VPS13B: variants seen among roughly 807,000 people sequenced by gnomAD.
The protein encoded by VPS13B is intermembrane lipid transfer protein VPS13B.
In VPS13B, 285 loss-of-function variants were observed where a neutral mutation model predicts 426.4. The observed-to-expected ratio is 0.67, with a 90% CI of 0.61 to 0.74. The LOEUF (loss-of-function observed/expected upper bound fraction) is 0.74, where lower values mean the gene tolerates loss of function less well. Among genes scored for constraint, VPS13B ranks in the 30% least tolerant of loss-of-function variants. The pLI is 0.00. For synonymous variants in VPS13B, 1,676 were observed against 1,676.4 expected, an observed-to-expected ratio of 1.00 and a Z score of 0.01; for missense variants, 4,537 against 4,782.6, an observed-to-expected ratio of 0.95 and a Z score of 1.51.
At chr8:99,532,441 C>A (rs1822981623) in intron 30 of VPS13B, among the ~76,000 whole-genome samples, 1 of 152,092 alleles carries the variant, frequency 6.6e-6, no homozygotes, top group African/African-American at 2.4e-5. Flanking sequence ...GAAAGGTGTA[C>A]CCTGTTCTGT....
intron 27 of VPS13B, among the ~76,000 whole-genome samples, chr8:99,504,104 C>T (rs1228651705): frequency 6.6e-6 from 1 of 152,136 alleles, no homozygotes; most frequent in South Asian, 2.1e-4. Context: ...TGGTGCCTCC[C>T]CATGGTGACA....
At chr8:99,487,814 A>G (rs181635740) in intron 25 of VPS13B, among the ~76,000 whole-genome samples, 62 of 152,226 alleles carry the variant, frequency 4.1e-4, no homozygotes, top group African/African-American at 1.2e-3. Flanking sequence ...ATTTCATTGT[A>G]TGTATATAAC....
At chr8:99,397,050 C>A (rs1814762748) in intron 21 of VPS13B, among the ~76,000 whole-genome samples, 1 of 152,100 alleles carries the variant, frequency 6.6e-6, no homozygotes, top group African/African-American at 2.4e-5. Flanking sequence ...GTTTATATTA[C>A]AGATAATAAA....
At chr8:99,869,518 G>A (rs909754879) in intron 59 of VPS13B, among the ~76,000 whole-genome samples, 2 of 152,100 alleles carry the variant, frequency 1.3e-5, no homozygotes, top group African/African-American at 4.8e-5. Flanking sequence ...CTCCTCGCCC[G>A]CCTCATTTCC....
intron 33 of VPS13B, among the ~76,000 whole-genome samples, chr8:99,603,433 A>G (rs1827417916): frequency 6.6e-6 from 1 of 152,248 alleles, no homozygotes; most frequent in Non-Finnish European, 1.5e-5. Flanking sequence ...ATAATAACTA[A>G]TAAGATAGAA....
intron 35 of VPS13B, among the ~76,000 whole-genome samples, chr8:99,669,878 A>G (rs1383693581): frequency 1.3e-5 from 2 of 152,112 alleles, no homozygotes; most frequent in Non-Finnish European, 1.5e-5. Flanking sequence ...ATAGGTTACA[A>G]TGATTTTCAT....
intron 17 of VPS13B, among the ~76,000 whole-genome samples, chr8:99,200,209 C>G (rs1814224750): frequency 6.6e-6 from 1 of 152,110 alleles, no homozygotes; most frequent in Non-Finnish European, 1.5e-5. Context: ...CAAAGTTTGC[C>G]CATATTATAG....
At chr8:99,594,668 T>C (rs1031570229) in intron 33 of VPS13B, among the ~76,000 whole-genome samples, 1 of 151,966 alleles carries the variant, frequency 6.6e-6, no homozygotes, top group Non-Finnish European at 1.5e-5. Flanking sequence ...GGGTGTCTGT[T>C]CCATAGACTT....
chr8:99,795,145 A>G (rs1812740786), intron 43 of VPS13B, among the ~76,000 whole-genome samples: 1 of 152,166 alleles, frequency 6.6e-6, no homozygotes, highest in African/African-American at 2.4e-5. Flanking sequence ...GGGTTTTAAT[A>G]TTAGCAGCAG....
chr8:99,310,387 T>A (rs1820889024), intron 19 of VPS13B, among the ~76,000 whole-genome samples: 1 of 152,226 alleles, frequency 6.6e-6, no homozygotes, highest in Admixed American at 6.5e-5. Flanking sequence ...GAATTTTTTT[T>A]AAGCATGAAT....
chr8:99,511,590 T>G, intron 29 of VPS13B, 78 bp downstream of exon 29: 1 of 1,463,032 alleles, frequency 6.8e-7, no homozygotes, highest in Non-Finnish European at 9.2e-7. Flanking sequence ...TTTTTTTGTT[T>G]CTTTTAAAAA....
In VPS13B at chr8:99,823,989, C is replaced by A. The variant is rs770754294; in HGVS notation, c.9330+11C>A. The stretch of plus-strand genomic sequence containing the variant: ...CATTCTGGAAAGGAGGTAAGCAAAT[C>A]ATAACGATTCTTTTGTCTAAGTTTT... On this transcript the variant is annotated intron_variant, in intron 51 of 61. Transcript: ENST00000357162. The A allele has an allele frequency of 1.2e-6, 2 of 1,610,584 alleles. No homozygotes were observed. The highest frequency in any genetic ancestry group is 2.2e-5 in the South Asian group (2 of 91,012).
At chr8:99,494,483 A>G (rs950199590) in intron 25 of VPS13B, among the ~76,000 whole-genome samples, 1 of 151,972 alleles carries the variant, frequency 6.6e-6, no homozygotes, top group Admixed American at 6.6e-5. Context: ...TTATTCTGTT[A>G]ATTTCTTTAT....
At chr8:99,216,121 G>A (rs1394789089) in intron 17 of VPS13B, among the ~76,000 whole-genome samples, 1 of 152,152 alleles carries the variant, frequency 6.6e-6, no homozygotes, top group Non-Finnish European at 1.5e-5. Flanking sequence ...ATTATGCTAA[G>A]ATTTTTTTCA....
chr8:99,510,061 C>T (rs889450793), intron 28 of VPS13B, among the ~76,000 whole-genome samples: 5 of 151,976 alleles, frequency 3.3e-5, no homozygotes, highest in African/African-American at 1.2e-4. Context: ...TAGTAGTATA[C>T]CCAAAGATTA....
intron 44 of VPS13B, among the ~76,000 whole-genome samples, chr8:99,816,770 A>G (rs1563488324): frequency 6.6e-6 from 1 of 151,866 alleles, no homozygotes; most frequent in East Asian, 1.9e-4. Context: ...ATGCCACTAC[A>G]CTCCAGCCTG....
intron 19 of VPS13B, among the ~76,000 whole-genome samples, chr8:99,372,523 CAAAAG>C (rs1813250351): frequency 6.6e-6 from 1 of 152,068 alleles, no homozygotes; most frequent in African/African-American, 2.4e-5. Flanking sequence ...AGACACTTCT[CAAAAG>C]AAGACATTTA....
Position 99,871,612 on chromosome 8 carries a change from C to G in VPS13B, c.11660C>G (p.Thr3887Arg). 6.2e-7 allele frequency: 1 copy of G among 1,614,180 alleles called. No homozygotes were observed. The highest frequency in any genetic ancestry group is 1.1e-5 in the South Asian group (1 of 91,086). Residue 3887 changes from threonine to arginine, a missense_variant, in exon 61 of 62, where the codon ACA becomes AGA. Transcript: ENST00000357162. The stretch of plus-strand genomic sequence containing the variant: ...ACACAGCAGCAGGCCTTCCCCGTCA[C>G]AGAAATCGACTGTGCACAGGACAGC... Reference protein sequence around the residue: ...EDTQQQAFPVTEIDCAQDSKQ... With the variant: ...EDTQQQAFPVREIDCAQDSKQ...
At chr8:99,189,840 T>A (rs1813455923) in intron 16 of VPS13B, among the ~76,000 whole-genome samples, 1 of 152,230 alleles carries the variant, frequency 6.6e-6, no homozygotes. Flanking sequence ...ATATTGTATA[T>A]GATTTCAGCC....
Sources: allele counts gnomAD v4.1 joint callset (sites outside exome capture counted in the v4.1 genomes callset), GRCh38; gene constraint gnomAD v4.1.1; transcripts MANE v1.5; gene names NCBI Gene and HGNC (gene_info 2026-07-23, HGNC 2026-07-21).